SPIRE1: variants seen among roughly 807,000 people sequenced by gnomAD.
The protein encoded by SPIRE1 is protein spire homolog 1.
In SPIRE1, 40 loss-of-function variants were observed where a neutral mutation model predicts 94.1. The observed-to-expected ratio is 0.43, with a 90% CI of 0.33 to 0.55. The LOEUF (loss-of-function observed/expected upper bound fraction) is 0.55. Among genes scored for constraint, SPIRE1 ranks in the 20% least tolerant of loss-of-function variants. SPIRE1 has a pLI of 0.06. For synonymous variants in SPIRE1, 376 were observed against 371.7 expected (o/e 1.01, Z -0.13); for missense variants, 838 against 975.2 (o/e 0.86, Z 1.87).
At chr18:12,511,672 T>A (rs1010974354) in intron 5 of SPIRE1, among the ~76,000 whole-genome samples, 1 of 152,220 alleles carries the variant, frequency 6.6e-6, no homozygotes, top group Admixed American at 6.5e-5. Flanking sequence ...AATGTAAGAC[T>A]AAGCATTCAA....
At chr18:12,661,957 ATT>A (rs1445463422), upstream of SPIRE1, 8 of 258,492 alleles carry the variant, frequency 3.1e-5, no homozygotes, top group Admixed American at 1.5e-4. Context: ...TCTGAATATG[ATT>A]TTGTTTTGTT....
rs190796434 is a variant in SPIRE1 at position 12,493,353 on chromosome 18, T to G, written c.1060-152A>C. ...TCAAGTCATTAAATATTAAGGTTCC[T>G]AAAGCAATAGGGAGATTACTGGATA... On this transcript the variant is annotated intron_variant, in intron 7 of 16. Transcript: ENST00000409402. The G allele has an allele frequency of 6.8e-5, 48 of 707,860 alleles. No homozygotes were observed. In the African/African-American group the frequency reaches 6.8e-4, roughly 10 times the overall value. The allele number at this position is 707,860 out of a possible 1,614,324, so 43.8% of individuals were successfully genotyped here. A position where few individuals can be genotyped will look rare whatever the true frequency, so the allele number is the denominator to read the frequency against.
At chr18:12,468,034 G>A (rs1046037138) in intron 10 of SPIRE1, among the ~76,000 whole-genome samples, 2 of 152,114 alleles carry the variant, frequency 1.3e-5, no homozygotes, top group Non-Finnish European at 2.9e-5. Flanking sequence ...ATTAGATCAC[G>A]TTTCTTTACT....
chr18:12,584,842 C>T lies in SPIRE1; in HGVS notation c.373-37938G>A, dbSNP rs551575413. Among the ~76,000 whole-genome samples the T allele has an allele frequency of 5.8e-4, 89 of 152,170 alleles. 1 individual carries two copies. Among genetic ancestry groups the T allele is most frequent in the African/African-American group, 1.9e-3 (77 of 41,526 alleles). On this transcript the variant is annotated intron_variant, in intron 2 of 16. Transcript: ENST00000409402. ...TTGCCCAGGCTGGAGTGCAGTGGCG[C>T]GATCGCAGCTCACTGCAACCTCCGC...
rs529748170 is a variant in SPIRE1, at chr18:12,460,000, T to C, written c.1638+3351A>G. The C allele has an allele frequency of 2.9e-4, 204 of 699,060 alleles. 1 individual carries two copies. Among genetic ancestry groups the C allele is most frequent in the Non-Finnish European group, 3.5e-4 (201 of 568,960 alleles). The allele number at this position is 699,060 out of a possible 1,614,324, so 43.3% of individuals were successfully genotyped here. A position where few individuals can be genotyped will look rare whatever the true frequency, so the allele number is the denominator to read the frequency against. The stretch of plus-strand genomic sequence containing the variant: ...AGGAGAAAATAATGCTGAACACAAG[T>C]GACCTACACATAGTGATTACAGATC... On this transcript the variant is annotated intron_variant, in intron 12 of 16. Transcript: ENST00000409402.
chr18:12,490,944 A>T (rs753440915), intron 8 of SPIRE1, among the ~76,000 whole-genome samples: 1 of 152,138 alleles, frequency 6.6e-6, no homozygotes, highest in Non-Finnish European at 1.5e-5. Flanking sequence ...TTAGGCAAAA[A>T]AAGAAATAAA....
chr18:12,646,047 C>T (rs896260224), intron 1 of SPIRE1, among the ~76,000 whole-genome samples: 2 of 152,168 alleles, frequency 1.3e-5, no homozygotes, highest in South Asian at 2.1e-4. Flanking sequence ...GCAAAAAATG[C>T]GGTAACTGAT....
At chr18:12,645,398 C>T (rs2038197254) in intron 1 of SPIRE1, among the ~76,000 whole-genome samples, 1 of 152,140 alleles carries the variant, frequency 6.6e-6, no homozygotes. Flanking sequence ...CCCTAACCTG[C>T]CCCTCCTGCC....
chr18:12,454,900 T>C (rs1344564715), intron 12 of SPIRE1, among the ~76,000 whole-genome samples: 1 of 152,126 alleles, frequency 6.6e-6, no homozygotes, highest in Non-Finnish European at 1.5e-5. Flanking sequence ...GTGTTGTACA[T>C]TATATACCAA....
At chr18:12,626,863 G>T (rs1180656745) in intron 2 of SPIRE1, among the ~76,000 whole-genome samples, 9 of 98,182 alleles carry the variant, frequency 9.2e-5, no homozygotes, top group East Asian at 2.8e-4. Context: ...ATAGTAAGCT[G>T]TAAAATATAT....
At chr18:12,555,489 TC>T (rs2035478497) in intron 2 of SPIRE1, among the ~76,000 whole-genome samples, 1 of 152,162 alleles carries the variant, frequency 6.6e-6, no homozygotes, top group African/African-American at 2.4e-5. Context: ...GTGGGATTTT[TC>T]CCAGGGATGC....
chr18:12,495,790 C>CT (rs1436530532), intron 7 of SPIRE1, among the ~76,000 whole-genome samples: 2 of 152,132 alleles, frequency 1.3e-5, no homozygotes, highest in Non-Finnish European at 2.9e-5. Flanking sequence ...ACTTGGGAGG[C>CT]TGAGGTGGGA....
intron 3 of SPIRE1, among the ~76,000 whole-genome samples, chr18:12,542,883 G>C (rs1273807108): frequency 6.6e-6 from 1 of 151,980 alleles, no homozygotes; most frequent in African/African-American, 2.4e-5. Context: ...CTGGAGTGCA[G>C]GGGCACAATC....
At chr18:12,548,480 T>C (rs990570678) in intron 2 of SPIRE1, among the ~76,000 whole-genome samples, 1 of 152,234 alleles carries the variant, frequency 6.6e-6, no homozygotes, top group African/African-American at 2.4e-5. Flanking sequence ...ATGAATATCA[T>C]GCTTAAAAAT....
intron 3 of SPIRE1, among the ~76,000 whole-genome samples, chr18:12,536,243 T>C (rs1364044901): frequency 6.6e-6 from 1 of 152,216 alleles, no homozygotes; most frequent in Admixed American, 6.5e-5. Context: ...TCCAGTTTTT[T>C]AACAGCTACC....
intron 6 of SPIRE1, among the ~76,000 whole-genome samples, chr18:12,506,167 T>C (rs763380055): frequency 1.4e-4 from 21 of 152,314 alleles, no homozygotes; most frequent in Non-Finnish European, 2.9e-4. Context: ...TTTTTTGTTT[T>C]TCTTTTTTGA....
chr18:12,512,778 T>C (rs1169636453), intron 4 of SPIRE1, among the ~76,000 whole-genome samples: 5 of 87,260 alleles, frequency 5.7e-5, no homozygotes, highest in Non-Finnish European at 1.7e-4. Flanking sequence ...TCTTTTTCTT[T>C]TTTTTTTTTT....
At chr18:12,605,855 A>G (rs1425031787) in intron 2 of SPIRE1, among the ~76,000 whole-genome samples, 3 of 149,960 alleles carry the variant, frequency 2.0e-5, no homozygotes, top group East Asian at 2.0e-4. Flanking sequence ...ACTGTACCCA[A>G]TGGGGCCCTA....
chr18:12,480,002 G>T, intron 9 of SPIRE1, 131 bp from the exon 10 acceptor site: 2 of 713,822 alleles, frequency 2.8e-6, no homozygotes, highest in Admixed American at 3.5e-5. Flanking sequence ...CCTATGTATA[G>T]AAAACTTCTT....
Sources: allele counts gnomAD v4.1 joint callset (sites outside exome capture counted in the v4.1 genomes callset), GRCh38; gene constraint gnomAD v4.1.1; transcripts MANE v1.5; gene names NCBI Gene and HGNC (gene_info 2026-07-23, HGNC 2026-07-21).